Variants in ASF1B observed in about 807,000 individuals in gnomAD.
The protein encoded by ASF1B is histone chaperone ASF1B.
Under a neutral mutation model 16.6 loss-of-function variants are expected in ASF1B, and 10 were observed. The ratio of observed to expected loss-of-function variants is 0.60; its 90% CI spans 0.37 to 1.02. The LOEUF (loss-of-function observed/expected upper bound fraction) is 1.02, where lower values mean the gene tolerates loss of function less well. ASF1B is among the 50% of genes least tolerant of loss of function. The pLI is 0.01. For missense variants in ASF1B, 240 were observed against 266.0 expected, an observed-to-expected ratio of 0.90 and a Z score of 0.68; for synonymous variants, 101 against 106.2, an observed-to-expected ratio of 0.95 and a Z score of 0.30.
At chr19:14,132,729 A>C (rs1292562158) in intron 1 of ASF1B, among the ~76,000 whole-genome samples, 2 of 152,146 alleles carry the variant, frequency 1.3e-5, no homozygotes, top group Non-Finnish European at 2.9e-5. Flanking sequence ...GAGGCCGGAG[A>C]ATCGCTTGAA....
At chr19:14,134,990 A>G (rs963364870) in intron 1 of ASF1B, among the ~76,000 whole-genome samples, 1 of 151,890 alleles carries the variant, frequency 6.6e-6, no homozygotes, top group South Asian at 2.1e-4. Flanking sequence ...TTGGGAGGCC[A>G]AGGCGGGTGG....
intron 1 of ASF1B, among the ~76,000 whole-genome samples, chr19:14,127,353 G>A (rs1366981919): frequency 6.6e-6 from 1 of 152,202 alleles, no homozygotes; most frequent in Non-Finnish European, 1.5e-5. Context: ...AGAAGGGAAC[G>A]GCAGGGAGTT....
At chr19:14,123,837 C>G (rs969099639) in intron 2 of ASF1B, among the ~76,000 whole-genome samples, 25 of 148,890 alleles carry the variant, frequency 1.7e-4, no homozygotes, top group Middle Eastern at 7.0e-3. Context: ...GTTGCCCAGG[C>G]TCGAGTGCAG....
rs563015224 is a variant in ASF1B at position 14,133,605 on chromosome 19, T to C, written c.109+2743A>G. 3.3e-5 allele frequency among the ~76,000 whole-genome samples: 5 copies of C among 150,920 alleles called. No homozygotes were observed. In the East Asian group the frequency reaches 7.9e-4, roughly 24 times the overall value. ...ATCGCTTGAATCTGGGAGGTGGAGG[T>C]TGCAGTGAGCCAAGATCGCGCCATT... On this transcript the variant is annotated intron_variant, in intron 1 of 3. Transcript: ENST00000263382.
intron 2 of ASF1B, 95 bp from the exon 3 acceptor site, chr19:14,121,803 A>T: frequency 1.7e-6 from 2 of 1,168,380 alleles, no homozygotes; most frequent in Non-Finnish European, 2.4e-6. Flanking sequence ...TTACTGAGCA[A>T]AAAGTATGCT....
intron 1 of ASF1B, among the ~76,000 whole-genome samples, chr19:14,131,851 G>A (rs770252634): frequency 3.9e-4 from 59 of 152,154 alleles, no homozygotes; most frequent in Non-Finnish European, 5.7e-4. Context: ...TAACAACTTC[G>A]TTATTTCTGG....
At chr19:14,121,212 C>G in intron 3 of ASF1B, 1 of 433,828 alleles carries the variant, frequency 2.3e-6, no homozygotes, top group South Asian at 5.4e-5. Context: ...CCTCAAACTC[C>G]TGGGCTCAAG....
At chr19:14,130,882 T>A (rs974308882) in intron 1 of ASF1B, among the ~76,000 whole-genome samples, 2 of 151,836 alleles carry the variant, frequency 1.3e-5, no homozygotes, top group Non-Finnish European at 2.9e-5. Context: ...TCCTGCTTTT[T>A]TGTTGTTGTT....
chr19:14,127,038 C>T (rs530368994), intron 1 of ASF1B, among the ~76,000 whole-genome samples: 20 of 152,350 alleles, frequency 1.3e-4, no homozygotes, highest in African/African-American at 4.1e-4. Flanking sequence ...CCTCCTGCCT[C>T]GGACTCCCAC....
intron 1 of ASF1B, among the ~76,000 whole-genome samples, chr19:14,129,708 A>AAG (rs1967371099): frequency 7.3e-6 from 1 of 137,660 alleles, no homozygotes; most frequent in Admixed American, 7.3e-5. Context: ...AAAAAAAAAA[A>AAG]AAGAAGAAAG....
intron 1 of ASF1B, among the ~76,000 whole-genome samples, chr19:14,132,574 C>T (rs1421502918): frequency 6.6e-6 from 1 of 152,150 alleles, no homozygotes; most frequent in Non-Finnish European, 1.5e-5. Flanking sequence ...AATCCCAGCA[C>T]TTTGGGAGGC....
chr19:14,120,251 GCTT>G lies in ASF1B; in HGVS notation c.*205_*207del, dbSNP rs1967212732. The G allele has an allele frequency of 2.4e-5, 13 of 545,454 alleles. 1 individual carries two copies. In the South Asian group the frequency reaches 3.3e-4, roughly 14 times the overall value. The allele number at this position is 545,454 out of a possible 1,614,324, so 33.8% of individuals were successfully genotyped here. A position where few individuals can be genotyped will look rare whatever the true frequency, so the allele number is the denominator to read the frequency against. On this transcript the variant is annotated 3_prime_UTR_variant, in exon 4 of 4. Transcript: ENST00000263382. ...GTCAGAATTTAGAACTGAAGTACCT[GCTT>G]CTTATAGGCCTGTAGAGGAAAAGCG... is the stretch of plus-strand genomic sequence containing the variant.
intron 2 of ASF1B, among the ~76,000 whole-genome samples, chr19:14,124,105 C>A (rs1266387486): frequency 6.6e-6 from 1 of 152,026 alleles, no homozygotes; most frequent in East Asian, 1.9e-4. Flanking sequence ...AGTGAGTCTT[C>A]TGCTTCAGCC....
chr19:14,128,794 G>C (rs914265812), intron 1 of ASF1B, among the ~76,000 whole-genome samples: 1 of 152,172 alleles, frequency 6.6e-6, no homozygotes, highest in Non-Finnish European at 1.5e-5. Flanking sequence ...GACACAACTG[G>C]AATCAAGTTT....
At chr19:14,129,081 C>T (rs745823677) in intron 1 of ASF1B, among the ~76,000 whole-genome samples, 2 of 152,050 alleles carry the variant, frequency 1.3e-5, no homozygotes, top group Non-Finnish European at 2.9e-5. Flanking sequence ...TAGGCAGACT[C>T]GACTCTATTA....
At chr19:14,129,861 A>G (rs1311975904) in intron 1 of ASF1B, among the ~76,000 whole-genome samples, 1 of 151,090 alleles carries the variant, frequency 6.6e-6, no homozygotes, top group African/African-American at 2.4e-5. Flanking sequence ...AGCCTGGGCA[A>G]CATGGTGATA....
chr19:14,121,583 G>T lies in ASF1B; in HGVS notation c.351C>A (p.Tyr117Ter). The T allele has an allele frequency of 6.2e-7, 1 of 1,614,052 alleles. No homozygotes were observed. Among genetic ancestry groups the T allele is most frequent in the Non-Finnish European group, 8.5e-7 (1 of 1,180,020 alleles). The change falls in exon 3 of 4, where the codon TAC becomes TAA. Residue 117 changes from tyrosine to a stop codon, truncating the protein, a stop_gained. Coordinates refer to ENST00000263382, the MANE Select transcript of ASF1B (RefSeq NM_018154.3). LOFTEE classifies it high-confidence loss of function. ...GGTTCTCACGCAGCTCAGGGTTGAG[G>T]TACTCGTTGTTGACGTAGTAGCCCA... ...IRVGYYVNNE[Y>*]LNPELRENPP... is the part of the protein sequence containing the mutation.
chr19:14,135,618 T>G (rs1967480003), intron 1 of ASF1B, among the ~76,000 whole-genome samples: 3 of 150,808 alleles, frequency 2.0e-5, no homozygotes, highest in Admixed American at 6.6e-5. Context: ...AAGATGGGGT[T>G]GAGAGAGGTC....
At chr19:14,126,848 C>T (rs1233923436) in intron 1 of ASF1B, among the ~76,000 whole-genome samples, 2 of 152,200 alleles carry the variant, frequency 1.3e-5, no homozygotes, top group Non-Finnish European at 2.9e-5. Flanking sequence ...TTCAAGTGAT[C>T]TGCCCGCCTC....
Sources: allele counts gnomAD v4.1 joint callset (sites outside exome capture counted in the v4.1 genomes callset), GRCh38; gene constraint gnomAD v4.1.1; transcripts MANE v1.5; gene names NCBI Gene and HGNC (gene_info 2026-07-23, HGNC 2026-07-21).